SMAD2: variants seen among roughly 807,000 people sequenced by gnomAD.
The protein encoded by SMAD2 is MAD homolog 2.
SMAD2 carries 8 observed loss-of-function variants against 64.4 expected under a neutral mutation model. The observed-to-expected ratio is 0.12, with a 90% CI of 0.07 to 0.22. The LOEUF is 0.22. SMAD2 is among the 10% of genes least tolerant of loss of function. The pLI is 1.00. For synonymous variants in SMAD2, 203 were observed against 195.8 expected (o/e 1.04, Z -0.31); for missense variants, 289 against 561.2 (o/e 0.51, Z 4.90).
intron 1 of SMAD2, among the ~76,000 whole-genome samples, chr18:47,926,905 A>T (rs1310458858): frequency 6.6e-6 from 1 of 152,238 alleles, no homozygotes; most frequent in Non-Finnish European, 1.5e-5. Context: ...GGAAGGGGTT[A>T]GTACTTCCAT....
intron 6 of SMAD2, among the ~76,000 whole-genome samples, chr18:47,857,186 C>T (rs2030778996): frequency 6.6e-6 from 1 of 152,122 alleles, no homozygotes; most frequent in African/African-American, 2.4e-5. Context: ...GTATCATAAT[C>T]TTATGTGTAG....
intron 2 of SMAD2, among the ~76,000 whole-genome samples, chr18:47,884,853 A>C (rs2032799018): frequency 6.6e-6 from 1 of 152,092 alleles, no homozygotes; most frequent in Non-Finnish European, 1.5e-5. Flanking sequence ...AAACTTTCTC[A>C]ATATTTTCCA....
In SMAD2 at chr18:47,822,804, G is replaced by A. The variant is rs373082290; in HGVS notation, c.*19023C>T. The A allele has an allele frequency of 4.6e-5, 7 of 152,212 alleles. No individual in the cohort carries two copies. The East Asian group carries it at 1.3e-3, about 29-fold the overall frequency. The allele number at this position is 152,212 out of a possible 1,614,324, so 9.4% of individuals were successfully genotyped here. On this transcript the variant is annotated 3_prime_UTR_variant, in exon 11 of 11. Transcript: ENST00000262160. ...AAGCAATTCTGTCTCAGCCTCCCAA[G>A]TAGCTGGGACTACAGGCATGCACCA...
Position 47,840,133 on chromosome 18 carries a change from T to C in SMAD2, c.*1694A>G, listed in dbSNP as rs900883503. ...CCAAATTTACATGAACACATACATA[T>C]ACACACAAATATAGGAAAATGGGGA... On this transcript the variant is annotated 3_prime_UTR_variant, in exon 11 of 11. Coordinates refer to ENST00000262160, the MANE Select transcript of SMAD2 (RefSeq NM_005901.6). 4.3e-6 allele frequency: 1 copy of C among 233,118 alleles called. No homozygotes were observed. Among genetic ancestry groups the C allele is most frequent in the Admixed American group, 5.6e-5 (1 of 17,790 alleles). 14.4% of individuals were successfully genotyped at this position (233,118 alleles called of 1,614,324 possible).
chr18:47,885,174 CACACACACAT>C (rs1246502694), intron 2 of SMAD2, among the ~76,000 whole-genome samples: 25 of 116,514 alleles, frequency 2.1e-4, no homozygotes, highest in East Asian at 8.3e-4. Flanking sequence ...CACACACACA[CACACACACAT>C]ATACCCTCCC....
chr18:47,820,917 ACACACACACACACACACAC>A lies in SMAD2; in HGVS notation c.*20891_*20909del, dbSNP rs1382623285. Reference sequence around the variant, plus strand: ...ACTATACACACACACACACACACACACACACACACACACACACACACACAAAATTTGGTCCCCAATGTTA... The same window carrying A: ...ACTATACACACACACACACACACACAACACAAAATTTGGTCCCCAATGTTA... On this transcript the variant is annotated 3_prime_UTR_variant, in exon 11 of 11. Coordinates refer to ENST00000262160, the MANE Select transcript of SMAD2 (RefSeq NM_005901.6). 3.5e-5 allele frequency: 2 copies of A among 56,656 alleles called. No individual in the cohort carries two copies. The highest frequency in any genetic ancestry group is 1.0e-4 in the African/African-American group (2 of 19,578). 3.5% of individuals were successfully genotyped at this position (56,656 alleles called of 1,614,324 possible). A position where few individuals can be genotyped will look rare whatever the true frequency, so the allele number is the denominator to read the frequency against.
intron 6 of SMAD2, among the ~76,000 whole-genome samples, chr18:47,860,812 T>G (rs184313229): frequency 2.2e-4 from 34 of 152,152 alleles, no homozygotes; most frequent in African/African-American, 7.0e-4. Context: ...GAAAAAAAAT[T>G]TGACAAAATT....
At chr18:47,869,109 C>T in intron 4 of SMAD2, 134 bp downstream of exon 4, 1 of 656,862 alleles carries the variant, frequency 1.5e-6, no homozygotes, top group Non-Finnish European at 2.6e-6. Context: ...TTAATTACCA[C>T]CAAATAATAT....
rs1912175044 is a variant in SMAD2, at chr18:47,810,783, A to G, written c.*31044T>C. On this transcript the variant is annotated 3_prime_UTR_variant, in exon 11 of 11. Coordinates refer to ENST00000262160, the MANE Select transcript of SMAD2 (RefSeq NM_005901.6). ...GATCCTGTCTCTGTTAAAAAAGAAG[A>G]AAGGAAATGTAAATAAAATAGTCCC... The G allele has an allele frequency of 1.3e-5, 2 of 152,170 alleles. No individual in the cohort carries two copies. Among genetic ancestry groups the G allele is most frequent in the Admixed American group, 1.3e-4 (2 of 15,276 alleles). 9.4% of individuals were successfully genotyped at this position (152,170 alleles called of 1,614,324 possible).
intron 1 of SMAD2, among the ~76,000 whole-genome samples, chr18:47,913,352 C>A (rs1303150496): frequency 6.6e-6 from 1 of 152,158 alleles, no homozygotes; most frequent in African/African-American, 2.4e-5. Context: ...TAGGCCTATT[C>A]TGGGTCATCT....
chr18:47,861,967 T>C (rs2031220624), intron 6 of SMAD2, among the ~76,000 whole-genome samples: 1 of 152,198 alleles, frequency 6.6e-6, no homozygotes, highest in Non-Finnish European at 1.5e-5. Flanking sequence ...AGCTAGCATA[T>C]GTAAGAGGAA....
chr18:47,925,076 GGAAGGTATGACACTGTAGA>G (rs1410573638), intron 1 of SMAD2, among the ~76,000 whole-genome samples: 1 of 152,048 alleles, frequency 6.6e-6, no homozygotes, highest in Non-Finnish European at 1.5e-5. Context: ...ACAAAATGAG[GGAAGGTATGACACTGTAGA>G]TTATTCAAGG....
intron 2 of SMAD2, 117 bp downstream of exon 2, chr18:47,896,404 A>T (rs1478169875): frequency 3.9e-6 from 4 of 1,027,378 alleles, no homozygotes; most frequent in Non-Finnish European, 4.5e-6. Flanking sequence ...AAGGTTAAAA[A>T]CAGTCATATT....
Position 47,809,305 on chromosome 18 carries a change from A to T in SMAD2, c.*32522T>A, listed in dbSNP as rs1434630690. The T allele has an allele frequency of 6.6e-6, 1 of 152,374 alleles. No individual in the cohort carries two copies. The highest frequency in any genetic ancestry group is 2.4e-5 in the African/African-American group (1 of 41,454). The allele number at this position is 152,374 out of a possible 1,614,324, so 9.4% of individuals were successfully genotyped here. ...TTCAGTTCCTTGAAGCATATGGCAG[A>T]TGCCAGCTGGTGGTAAAGGAATGAC... On this transcript the variant is annotated 3_prime_UTR_variant, in exon 11 of 11. Transcript: ENST00000262160.
chr18:47,853,695 G>C (rs185296725), intron 6 of SMAD2, among the ~76,000 whole-genome samples: 2 of 151,906 alleles, frequency 1.3e-5, no homozygotes, highest in Non-Finnish European at 2.9e-5. Flanking sequence ...AAGACAGTAC[G>C]GTCTTCCACA....
At chr18:47,863,858 T>C (rs1226874531) in intron 6 of SMAD2, among the ~76,000 whole-genome samples, 1 of 152,168 alleles carries the variant, frequency 6.6e-6, no homozygotes, top group African/African-American at 2.4e-5. Context: ...AACAGGAAAC[T>C]TTTCCAAAGT....
rs149378386 is a variant in SMAD2, at chr18:47,919,107, T to C, written c.-54+11254A>G. Among the ~76,000 whole-genome samples the C allele has an allele frequency of 3.2e-3, 485 of 152,116 alleles. 2 individuals carry two copies. Among genetic ancestry groups the C allele is most frequent in the African/African-American group, 0.011 (468 of 41,486 alleles). ...CAAGGAGGAAAAAAAATAGGTTATA[T>C]AGAAAACAATCAAAATGGCTTTGGT... On this transcript the variant is annotated intron_variant, in intron 1 of 10. Transcript: ENST00000262160.
intron 1 of SMAD2, among the ~76,000 whole-genome samples, chr18:47,919,843 G>C (rs1451818172): frequency 6.6e-6 from 1 of 152,034 alleles, no homozygotes; most frequent in Admixed American, 6.6e-5. Context: ...CAACGCAAAA[G>C]AAAAAAATTT....
chr18:47,880,324 A>G (rs2032512876), intron 2 of SMAD2, among the ~76,000 whole-genome samples: 1 of 152,210 alleles, frequency 6.6e-6, no homozygotes, highest in Non-Finnish European at 1.5e-5. Context: ...TCACTGGTGT[A>G]AGGTGGAGTC....
Sources: allele counts gnomAD v4.1 joint callset (sites outside exome capture counted in the v4.1 genomes callset), GRCh38; gene constraint gnomAD v4.1.1; transcripts MANE v1.5; gene names NCBI Gene and HGNC (gene_info 2026-07-23, HGNC 2026-07-21).